The following EXOSC9 variants were observed in gnomAD, a reference collection of about 807,000 sequenced individuals.
The protein encoded by EXOSC9 is exosome complex component RRP45.
Under a neutral mutation model 56.5 loss-of-function variants are expected in EXOSC9, and 38 were observed. That is an observed-to-expected ratio of 0.67 (90% CI 0.52 to 0.88). The LOEUF (loss-of-function observed/expected upper bound fraction) is 0.88. EXOSC9 is among the 40% of genes least tolerant of loss of function. The pLI is 0.00. For missense variants in EXOSC9, 559 were observed against 530.5 expected, an observed-to-expected ratio of 1.05 and a Z score of -0.53; for synonymous variants, 170 against 170.8, an observed-to-expected ratio of 0.99 and a Z score of 0.04.
chr4:121,801,327 T>A lies in EXOSC9; in HGVS notation c.-98T>A, dbSNP rs1726850541. On this transcript the variant is annotated 5_prime_UTR_variant, in exon 1 of 12. Transcript: ENST00000243498. ...CCGCCGCCGCGCCTTGATGACGTAA[T>A]TTTCCTGCGCCTCGGGGCGAGCAGC... The A allele has an allele frequency of 1.6e-6, 2 of 1,224,626 alleles. No individual in the cohort carries two copies. Among genetic ancestry groups the A allele is most frequent in the Non-Finnish European group, 2.4e-6 (2 of 826,636 alleles). The allele number at this position is 1,224,626 out of a possible 1,614,324, so 75.9% of individuals were successfully genotyped here.
chr4:121,802,998 GTGT>G lies in EXOSC9; in HGVS notation c.371_373del (p.Val124del). 1.2e-6 allele frequency: 2 copies of G among 1,613,154 alleles called. No homozygotes were observed. The highest frequency in any genetic ancestry group is 1.7e-6 in the Non-Finnish European group (2 of 1,179,134). ...AAGTGTATAGACACTGAGTCTCTCT[GTGT>G]TGTTGCTGGTGAAAAGGTGGGGAAT... On this transcript the variant is annotated inframe_deletion, in exon 4 of 12. Transcript: ENST00000243498.
chr4:121,816,849 C>T lies in EXOSC9; in HGVS notation c.1313C>T (p.Ala438Val), dbSNP rs751255089. The T allele has an allele frequency of 1.1e-5, 17 of 1,583,996 alleles. No individual in the cohort carries two copies. The highest frequency in any genetic ancestry group is 1.3e-5 in the Non-Finnish European group (15 of 1,162,292). ...PVKRRKKKRA[A>V]N The stretch of plus-strand genomic sequence containing the variant: ...AAAAGAAGAAAAAAGAAGAGAGCTG[C>T]CAATTAAAGCTAACAGTTGTATATC... Residue 438 changes from alanine to valine, a missense_variant, in exon 12 of 12, where the codon GCC (alanine) becomes GTC (valine). Coordinates refer to ENST00000243498, the MANE Select transcript of EXOSC9 (RefSeq NM_005033.3).
chr4:121,804,797 G>C (rs976321768), intron 5 of EXOSC9, 38 bp downstream of exon 5: 1 of 1,512,742 alleles, frequency 6.6e-7, no homozygotes, highest in Non-Finnish European at 9.0e-7. Context: ...TGATATGAAT[G>C]AATGAGGAGG....
At chr4:121,807,437 A>G (rs2149036095) in intron 5 of EXOSC9, 103 bp from the exon 6 acceptor site, 1 of 608,680 alleles carries the variant, frequency 1.6e-6, no homozygotes, top group Non-Finnish European at 2.8e-6. Flanking sequence ...GGTACTCAAA[A>G]GAATAAAGGA....
intron 8 of EXOSC9, among the ~76,000 whole-genome samples, chr4:121,812,345 G>A (rs965894193): frequency 6.6e-6 from 1 of 151,960 alleles, no homozygotes; most frequent in African/African-American, 2.4e-5. Flanking sequence ...CTTGAACGAG[G>A]GCAACCATAT....
In EXOSC9 at chr4:121,816,725, A is replaced by C. The variant is rs767321696; in HGVS notation, c.1236-47A>C. The C allele has an allele frequency of 8.6e-6, 13 of 1,517,434 alleles. No individual in the cohort carries two copies. In the Admixed American group the frequency reaches 3.3e-4, roughly 38 times the overall value. The allele number at this position is 1,517,434 out of a possible 1,614,324, so 94.0% of individuals were successfully genotyped here. On this transcript the variant is annotated intron_variant, in intron 11 of 11. Coordinates refer to ENST00000243498, the MANE Select transcript of EXOSC9 (RefSeq NM_005033.3). ...GAAATGCCTCTTATTTCAATAATCC[A>C]AAACTTAACATACTCTTAGTAAATT...
Position 121,816,807 on chromosome 4 carries a change from C to A in EXOSC9, c.1271C>A (p.Pro424Gln). 1 of 1,601,150 alleles carries A rather than the reference C, an allele frequency of 6.2e-7. No homozygotes were observed. Among genetic ancestry groups the A allele is most frequent in the Non-Finnish European group, 8.5e-7 (1 of 1,173,204 alleles). ...QTTSAKQEKA[P>Q]SKKPVKRRKK... is the part of the protein sequence containing the mutation. ...ACCAGTGCAAAACAAGAAAAAGCAC[C>A]AAGTAAAAAGCCAGTGAAAAGAAGA... Residue 424 changes from proline (P) to glutamine (Q), a missense_variant, in exon 12 of 12, where the codon CCA (proline) becomes CAA (glutamine). Physicochemically the swap from Pro to Gln is moderately conservative, Grantham distance 76 (BLOSUM62 -1). Coordinates refer to ENST00000243498, the MANE Select transcript of EXOSC9 (RefSeq NM_005033.3).
chr4:121,807,497 T>C, intron 5 of EXOSC9, 43 bp from the exon 6 acceptor site: 1 of 1,256,524 alleles, frequency 8.0e-7, no homozygotes. Context: ...TGGATGTTCA[T>C]AACTTAGTGA....
rs1724540017 is a variant in EXOSC9, at chr4:121,816,932, T to C, written c.*76T>C. The stretch of plus-strand genomic sequence containing the variant: ...CCATTCTGAGAACCCTGGGTATTTT[T>C]TATTCACAAATCCATTATAAAATCT... On this transcript the variant is annotated 3_prime_UTR_variant, in exon 12 of 12. Coordinates refer to ENST00000243498, the MANE Select transcript of EXOSC9 (RefSeq NM_005033.3). 1 of 1,309,386 alleles carries C rather than the reference T, an allele frequency of 7.6e-7. No homozygotes were observed. The highest frequency in any genetic ancestry group is 1.0e-6 in the Non-Finnish European group (1 of 986,282). The allele number at this position is 1,309,386 out of a possible 1,614,324, so 81.1% of individuals were successfully genotyped here.
rs1724378729 is a variant in EXOSC9 at position 121,814,052 on chromosome 4, G to A, written c.1156+5G>A. On this transcript the variant is annotated splice_donor_5th_base_variant and intron_variant, in intron 10 of 11. Coordinates refer to ENST00000243498, the MANE Select transcript of EXOSC9 (RefSeq NM_005033.3). ...TCTCTGATATTGGAAGCCAAGGTAG[G>A]TGACACTTTATGGCACACTTACTAT... 1 of 1,571,096 alleles carries A rather than the reference G, an allele frequency of 6.4e-7. No individual in the cohort carries two copies. The highest frequency in any genetic ancestry group is 1.6e-5 in the African/African-American group (1 of 61,378).
chr4:121,816,118 G>C, intron 10 of EXOSC9: 1 of 637,994 alleles, frequency 1.6e-6, no homozygotes, highest in Non-Finnish European at 2.6e-6. Flanking sequence ...ACCACGCCTG[G>C]CTAATTTTTC....
At chr4:121,801,730 CT>C in intron 1 of EXOSC9, 96 bp from the exon 2 acceptor site, 1 of 1,078,428 alleles carries the variant, frequency 9.3e-7, no homozygotes, top group East Asian at 2.5e-5. Flanking sequence ...TAGGATTCCA[CT>C]TTCCCCCAAG....
chr4:121,812,487 TTTTG>T (rs749262463), intron 8 of EXOSC9, among the ~76,000 whole-genome samples: 6 of 152,140 alleles, frequency 3.9e-5, no homozygotes, highest in South Asian at 2.1e-4. Flanking sequence ...CATATAAGAT[TTTTG>T]TTTGTTTTTT....
intron 10 of EXOSC9, 22 bp from the exon 11 acceptor site, chr4:121,816,347 T>A: frequency 1.5e-6 from 2 of 1,357,314 alleles, no homozygotes; most frequent in Non-Finnish European, 1.0e-6. Flanking sequence ...TTTTTTTTTT[T>A]TAAATTAATA....
At chr4:121,816,640 A>T in intron 11 of EXOSC9, 132 bp from the exon 12 acceptor site, 1 of 956,962 alleles carries the variant, frequency 1.0e-6, no homozygotes, top group East Asian at 2.8e-5. Flanking sequence ...TATAATATAA[A>T]CTTCTTGGAT....
At chr4:121,809,931 TCA>T (rs754837162) in intron 6 of EXOSC9, 34 bp from the exon 7 acceptor site, 5 of 1,612,482 alleles carry the variant, frequency 3.1e-6, no homozygotes, top group Non-Finnish European at 4.2e-6. Flanking sequence ...GCATTCGGTC[TCA>T]GATTTGTTCA....
At chr4:121,805,253 G>A (rs1486539088) in intron 5 of EXOSC9, among the ~76,000 whole-genome samples, 2 of 152,190 alleles carry the variant, frequency 1.3e-5, no homozygotes, top group Non-Finnish European at 2.9e-5. Flanking sequence ...TACTCCCAAA[G>A]TAAAACAGGG....
Position 121,801,360 on chromosome 4 carries a change from A to G in EXOSC9, c.-65A>G, listed in dbSNP as rs551964314. On this transcript the variant is annotated 5_prime_UTR_variant, in exon 1 of 12. Coordinates refer to ENST00000243498, the MANE Select transcript of EXOSC9 (RefSeq NM_005033.3). ...CGCCTCGGGGCGAGCAGCGGCGCGC[A>G]AGGAAAGATCGGGTTCCGTTTTTCC... The G allele has an allele frequency of 1.2e-4, 185 of 1,486,798 alleles. No homozygotes were observed. The African/African-American group carries it at 2.3e-3, about 18-fold the overall frequency. 92.1% of individuals were successfully genotyped at this position (1,486,798 alleles called of 1,614,324 possible). A position where few individuals can be genotyped will look rare whatever the true frequency, so the allele number is the denominator to read the frequency against.
intron 6 of EXOSC9, among the ~76,000 whole-genome samples, chr4:121,808,262 T>TAA (rs1326174796): frequency 1.4e-5 from 1 of 72,742 alleles, no homozygotes; most frequent in African/African-American, 3.3e-5. Context: ...GAGAAACACT[T>TAA]ACAAGTTTTA....
Sources: gnomAD v4.1 joint callset for allele counts (sites outside exome capture counted in the v4.1 genomes callset) on GRCh38, gnomAD v4.1.1 for gene constraint, MANE v1.5 for transcripts, NCBI Gene and HGNC (gene_info 2026-07-23, HGNC 2026-07-21) for gene names.